SLC13A3: variants seen among roughly 807,000 people sequenced by gnomAD.
SLC13A3 encodes Na(+)/dicarboxylate cotransporter 3.
SLC13A3 carries 40 observed loss-of-function variants against 59.0 expected under a neutral mutation model. That is an observed-to-expected ratio of 0.68 (90% CI 0.53 to 0.88). The LOEUF is 0.88. Ranked by LOEUF, SLC13A3 falls within the 40% of genes least tolerant of loss-of-function variation. The pLI, the probability that SLC13A3 is intolerant of heterozygous loss-of-function variation, is 0.00. For synonymous variants in SLC13A3, 317 were observed against 330.3 expected (o/e 0.96, Z 0.44); for missense variants, 699 against 783.2 (o/e 0.89, Z 1.28).
At chr20:46,638,113 T>C (rs564024400) in intron 1 of SLC13A3, among the ~76,000 whole-genome samples, 13 of 152,294 alleles carry the variant, frequency 8.5e-5, no homozygotes, top group African/African-American at 2.9e-4. Context: ...CAGGCCTGGA[T>C]GTCCCACGAT....
At position 46,578,450 on chromosome 20, in the gene SLC13A3, C is replaced by T. The variant is rs548398992; in HGVS notation, c.1220-2765G>A. ...CAGCACTTTGGGAGGACAAGGTGGGCGGGTCACCTGAGGTCAGGAGTTCAA... is the reference window on the plus strand; with the variant it reads ...CAGCACTTTGGGAGGACAAGGTGGGTGGGTCACCTGAGGTCAGGAGTTCAA... On this transcript the variant is annotated intron_variant, in intron 9 of 12. Transcript: ENST00000279027. Among the ~76,000 whole-genome samples the T allele has an allele frequency of 1.2e-4, 18 of 151,592 alleles. No individual in the cohort carries two copies. In the South Asian group the frequency reaches 1.7e-3, roughly 14 times the overall value.
At chr20:46,649,512 G>A (rs543507890) in intron 1 of SLC13A3, among the ~76,000 whole-genome samples, 9 of 152,296 alleles carry the variant, frequency 5.9e-5, no homozygotes, top group African/African-American at 1.7e-4. Flanking sequence ...GAGACCTTGT[G>A]TTTTATCTCT....
intron 3 of SLC13A3, among the ~76,000 whole-genome samples, chr20:46,600,340 GA>G (rs1254355578): frequency 3.2e-4 from 46 of 142,460 alleles, no homozygotes; most frequent in Middle Eastern, 3.7e-3. Context: ...AGGAAGGAAG[GA>G]AAGGAAAAGA....
chr20:46,587,920 C>G, intron 8 of SLC13A3, 139 bp downstream of exon 8: 1 of 498,554 alleles, frequency 2.0e-6, no homozygotes, highest in Admixed American at 3.7e-5. Context: ...AAAGAGGGAC[C>G]TATTAATAAT....
chr20:46,641,364 G>C (rs1310644965), intron 1 of SLC13A3, among the ~76,000 whole-genome samples: 6 of 152,164 alleles, frequency 3.9e-5, no homozygotes, highest in African/African-American at 1.2e-4. Context: ...GCATAAACCT[G>C]CTCTTAGGTC....
At chr20:46,660,061 G>A (rs1015510156) in intron 1 of SLC13A3, among the ~76,000 whole-genome samples, 4 of 152,140 alleles carry the variant, frequency 2.6e-5, no homozygotes, top group Non-Finnish European at 4.4e-5. Flanking sequence ...ACCACTGTTT[G>A]AATTACACAA....
chr20:46,625,302 C>T (rs1415148364), intron 1 of SLC13A3, among the ~76,000 whole-genome samples: 1 of 152,286 alleles, frequency 6.6e-6, no homozygotes, highest in Admixed American at 6.5e-5. Context: ...ACTGACCATT[C>T]TAATTTCTGA....
rs1175552984 is a variant in SLC13A3, at chr20:46,566,285, C to G, written c.1438G>C (p.Glu480Gln). Reference protein sequence around the residue: ...LITVVIAFFTEFASNTATIII... With the variant: ...LITVVIAFFTQFASNTATIII... ...ATGGTCGCCGTGTTGCTGGCAAACT[C>G]AGTGAAGAAGGCGATGACCACAGTG... is the stretch of plus-strand genomic sequence containing the variant. The change falls in exon 11 of 13, where the codon GAG (glutamate) becomes CAG (glutamine). Residue 480 changes from glutamate (E) to glutamine (Q), a missense_variant. Physicochemically the swap from Glu to Gln is conservative, Grantham distance 29. Transcript: ENST00000279027. 6.2e-7 allele frequency: 1 copy of G among 1,613,722 alleles called. No individual in the cohort carries two copies. The highest frequency in any genetic ancestry group is 1.7e-5 in the Admixed American group (1 of 59,998).
chr20:46,616,708 G>A (rs1377487330), intron 1 of SLC13A3, among the ~76,000 whole-genome samples: 5 of 152,166 alleles, frequency 3.3e-5, no homozygotes, highest in Non-Finnish European at 5.9e-5. Context: ...ACAATAAACA[G>A]CACCCTGTTT....
chr20:46,598,050 A>G (rs2062332675), intron 4 of SLC13A3, among the ~76,000 whole-genome samples: 1 of 152,230 alleles, frequency 6.6e-6, no homozygotes, highest in African/African-American at 2.4e-5. Flanking sequence ...TGAAAAAAAG[A>G]TAAATTAAGA....
intron 10 of SLC13A3, among the ~76,000 whole-genome samples, chr20:46,568,796 G>C (rs1193429902): frequency 6.6e-6 from 1 of 152,232 alleles, no homozygotes; most frequent in Non-Finnish European, 1.5e-5. Flanking sequence ...CAAGTGAGAA[G>C]CCAGGAGCTG....
At chr20:46,575,461 C>T in intron 10 of SLC13A3, 112 bp downstream of exon 10, 3 of 546,970 alleles carry the variant, frequency 5.5e-6, no homozygotes, top group South Asian at 2.9e-5. Context: ...GGCTGTGCCC[C>T]CAGGGCCCGT....
At chr20:46,598,325 C>T (rs2062336027) in intron 4 of SLC13A3, among the ~76,000 whole-genome samples, 1 of 152,128 alleles carries the variant, frequency 6.6e-6, no homozygotes, top group Non-Finnish European at 1.5e-5. Context: ...CAGGCCTGGT[C>T]CAGAACTGTG....
intron 10 of SLC13A3, among the ~76,000 whole-genome samples, chr20:46,574,684 C>T (rs1324892636): frequency 2.0e-5 from 3 of 152,134 alleles, no homozygotes; most frequent in Non-Finnish European, 4.4e-5. Context: ...GGATTCTAAT[C>T]CTGACTCCAT....
intron 8 of SLC13A3, chr20:46,583,929 G>A: frequency 1.0e-6 from 1 of 985,378 alleles, no homozygotes; most frequent in Non-Finnish European, 1.2e-6. Flanking sequence ...CCTACGAAGA[G>A]GGACTTGACC....
Position 46,558,929 on chromosome 20 carries a change from A to G in SLC13A3, c.*1093T>C, listed in dbSNP as rs755325600. 4.6e-5 allele frequency: 7 copies of G among 152,058 alleles called. No homozygotes were observed. Among genetic ancestry groups the G allele is most frequent in the Admixed American group, 2.0e-4 (3 of 15,240 alleles). The allele number at this position is 152,058 out of a possible 1,614,324, so 9.4% of individuals were successfully genotyped here. A position where few individuals can be genotyped will look rare whatever the true frequency, so the allele number is the denominator to read the frequency against. On this transcript the variant is annotated 3_prime_UTR_variant, in exon 13 of 13. Coordinates refer to ENST00000279027, the MANE Select transcript of SLC13A3 (RefSeq NM_022829.6). ...GGAACAAAGAGGGATTAACCCTTGAAGGCAGACACCACTTCCAGCCTCGGG... is the reference window on the plus strand; with the variant it reads ...GGAACAAAGAGGGATTAACCCTTGAGGGCAGACACCACTTCCAGCCTCGGG...
chr20:46,646,396 G>A (rs946937920), intron 1 of SLC13A3, among the ~76,000 whole-genome samples: 3 of 152,202 alleles, frequency 2.0e-5, no homozygotes, highest in Non-Finnish European at 4.4e-5. Context: ...GCTGAAATTT[G>A]AGATGCATGT....
At chr20:46,592,569 C>T in intron 5 of SLC13A3, 40 bp from the exon 6 acceptor site, 1 of 1,610,164 alleles carries the variant, frequency 6.2e-7, no homozygotes, top group Non-Finnish European at 8.5e-7. Flanking sequence ...CAAGGGCAGC[C>T]ATGCCCATTT....
At position 46,613,542 on chromosome 20, in the gene SLC13A3, T is replaced by C. The variant is rs1256017777; in HGVS notation, c.295A>G (p.Met99Val). ...TNFLFLSGLIMASAIEEWNLH... is the reference protein window; with the variant it reads ...TNFLFLSGLIVASAIEEWNLH... ...TTCCACTCCTCAATGGCGCTGGCCATGATCAGCCCACTGAGGAAGAGGAAG... is the reference window on the plus strand; with the variant it reads ...TTCCACTCCTCAATGGCGCTGGCCACGATCAGCCCACTGAGGAAGAGGAAG... Residue 99 changes from methionine to valine, a missense_variant, in exon 2 of 13, where the codon ATG becomes GTG. Physicochemically the swap from Met to Val is conservative, Grantham distance 21. Transcript: ENST00000279027. 1.2e-6 allele frequency: 2 copies of C among 1,614,046 alleles called. No homozygotes were observed. Among genetic ancestry groups the C allele is most frequent in the East Asian group, 2.2e-5 (1 of 44,870 alleles).
Sources: allele counts gnomAD v4.1 joint callset (sites outside exome capture counted in the v4.1 genomes callset), GRCh38; gene constraint gnomAD v4.1.1; transcripts MANE v1.5; gene names NCBI Gene and HGNC (gene_info 2026-07-23, HGNC 2026-07-21).